STK32B: variants seen among roughly 807,000 people sequenced by gnomAD.
The protein encoded by STK32B is serine/threonine-protein kinase 32B.
In STK32B, 43 loss-of-function variants were observed where a neutral mutation model predicts 52.6. That is an observed-to-expected ratio of 0.82 (90% CI 0.64 to 1.05). The LOEUF (loss-of-function observed/expected upper bound fraction) is 1.05, where lower values mean the gene tolerates loss of function less well. Among genes scored for constraint, STK32B ranks in the 50% least tolerant of loss-of-function variants. The pLI is 0.00. For missense variants in STK32B, 621 were observed against 534.6 expected (o/e 1.16, Z -1.59); for synonymous variants, 238 against 204.3 (o/e 1.17, Z -1.41).
chr4:5,234,280 G>C (rs1336838190), intron 3 of STK32B, among the ~76,000 whole-genome samples: 1 of 152,170 alleles, frequency 6.6e-6, no homozygotes, highest in Non-Finnish European at 1.5e-5. Context: ...TCTGTAAATA[G>C]GTATAATGAA....
intron 3 of STK32B, among the ~76,000 whole-genome samples, chr4:5,243,048 C>T (rs547617989): frequency 2.0e-3 from 300 of 152,272 alleles, no homozygotes; most frequent in African/African-American, 6.9e-3. Context: ...TTAGGATTGA[C>T]TTGGTGATGC....
At chr4:5,221,792 G>A (rs1184296804) in intron 3 of STK32B, among the ~76,000 whole-genome samples, 2 of 148,872 alleles carry the variant, frequency 1.3e-5, no homozygotes, top group Non-Finnish European at 3.0e-5. Context: ...GGAGACAGAG[G>A]TTGCAGTGAG....
At chr4:5,055,546 C>G (rs1360772289) in intron 1 of STK32B, among the ~76,000 whole-genome samples, 1 of 152,192 alleles carries the variant, frequency 6.6e-6, no homozygotes, top group East Asian at 1.9e-4. Context: ...TCAGCCCACC[C>G]TCAAATCCTC....
chr4:5,317,462 A>G lies in STK32B; in HGVS notation c.261-13758A>G, dbSNP rs561452613. On this transcript the variant is annotated intron_variant, in intron 3 of 11. Transcript: ENST00000282908. ...CATATATACATAATATATATAATAT[A>G]TATGTATAATATATATATTACATAT... 2.3e-3 allele frequency among the ~76,000 whole-genome samples: 218 copies of G among 95,966 alleles called. 35 individuals carry two copies. Among genetic ancestry groups the G allele is most frequent in the African/African-American group, 0.016 (206 of 13,102 alleles). 63.0% of individuals were successfully genotyped at this position (95,966 alleles called of 152,430 possible).
chr4:5,030,499 G>A, the STK32B span, among the ~76,000 whole-genome samples: 1 of 152,214 alleles, frequency 6.6e-6, no homozygotes, highest in Non-Finnish European at 1.5e-5. Context: ...GCCTGGAAAC[G>A]AACAATAGCT....
At chr4:5,204,363 G>A (rs1054244069) in intron 3 of STK32B, 5 of 153,184 alleles carry the variant, frequency 3.3e-5, no homozygotes, top group African/African-American at 9.6e-5. Context: ...CAGAACATGT[G>A]AGGGACAGTG....
chr4:5,287,960 G>C (rs1287733996), intron 3 of STK32B, among the ~76,000 whole-genome samples: 3 of 152,066 alleles, frequency 2.0e-5, no homozygotes, highest in Non-Finnish European at 4.4e-5. Flanking sequence ...CTAACCTACT[G>C]TTTGTTTCCA....
At chr4:5,362,146 G>T (rs918103924) in intron 4 of STK32B, among the ~76,000 whole-genome samples, 1 of 152,190 alleles carries the variant, frequency 6.6e-6, no homozygotes, top group Non-Finnish European at 1.5e-5. Flanking sequence ...AAAATTGTAT[G>T]TTGGGAGCGA....
intron 11 of STK32B, among the ~76,000 whole-genome samples, chr4:5,481,806 TAGCCAG>T (rs1278751174): frequency 1.3e-5 from 2 of 152,242 alleles, no homozygotes; most frequent in Admixed American, 6.5e-5. Flanking sequence ...TACATATGGC[TAGCCAG>T]TTTTCCCAGC....
chr4:5,061,131 T>G (rs1181136912), intron 1 of STK32B, among the ~76,000 whole-genome samples: 3 of 152,238 alleles, frequency 2.0e-5, no homozygotes, highest in Non-Finnish European at 2.9e-5. Flanking sequence ...TGCAAAAGCA[T>G]TAGACCTTAT....
chr4:5,324,582 C>A (rs927198887), intron 3 of STK32B, among the ~76,000 whole-genome samples: 1 of 152,120 alleles, frequency 6.6e-6, no homozygotes, highest in Non-Finnish European at 1.5e-5. Flanking sequence ...CCGTCCTGTG[C>A]ATTGTAGGAT....
chr4:5,187,205 T>C (rs1720811309), intron 3 of STK32B, among the ~76,000 whole-genome samples: 1 of 152,094 alleles, frequency 6.6e-6, no homozygotes, highest in African/African-American at 2.4e-5. Context: ...GTGTGTGGGG[T>C]ACTCCGCTTC....
At chr4:5,318,710 C>T (rs28409623) in intron 3 of STK32B, among the ~76,000 whole-genome samples, 36,165 of 152,020 alleles carry the variant, frequency 0.24, 7,066 homozygotes, top group African/African-American at 0.55. Flanking sequence ...ACTCCAAGTC[C>T]CTCAGGATGA....
chr4:5,478,898 C>G (rs927485672), intron 11 of STK32B, among the ~76,000 whole-genome samples: 1 of 151,934 alleles, frequency 6.6e-6, no homozygotes, highest in Non-Finnish European at 1.5e-5. Flanking sequence ...ATCCCTTGCT[C>G]TCTATGATTT....
At chr4:5,063,626 T>G (rs552738007) in intron 1 of STK32B, among the ~76,000 whole-genome samples, 61 of 152,320 alleles carry the variant, frequency 4.0e-4, no homozygotes, top group African/African-American at 1.3e-3. Flanking sequence ...ACTTTCAATG[T>G]GTCATTTCAG....
At chr4:5,426,050 G>A (rs1577479929) in intron 6 of STK32B, among the ~76,000 whole-genome samples, 1 of 152,294 alleles carries the variant, frequency 6.6e-6, no homozygotes, top group East Asian at 1.9e-4. Context: ...TATGAATAAA[G>A]CCATTATGGA....
intron 3 of STK32B, among the ~76,000 whole-genome samples, chr4:5,321,676 T>C (rs112974252): frequency 0.069 from 10,455 of 152,184 alleles, 399 homozygotes; most frequent in South Asian, 0.098. Flanking sequence ...AATAAAACCA[T>C]GAAGGCACAA....
At chr4:5,477,218 G>A (rs911598124) in intron 11 of STK32B, among the ~76,000 whole-genome samples, 1 of 152,094 alleles carries the variant, frequency 6.6e-6, no homozygotes, top group African/African-American at 2.4e-5. Flanking sequence ...TATCAGTGAG[G>A]TGTTCTGAAA....
At chr4:5,233,246 T>G (rs946877916) in intron 3 of STK32B, among the ~76,000 whole-genome samples, 1 of 152,266 alleles carries the variant, frequency 6.6e-6, no homozygotes, top group African/African-American at 2.4e-5. Flanking sequence ...CACTGACTTA[T>G]GCTAAGGCAA....
Sources: allele counts gnomAD v4.1 joint callset (sites outside exome capture counted in the v4.1 genomes callset), GRCh38; gene constraint gnomAD v4.1.1; transcripts MANE v1.5; gene names NCBI Gene and HGNC (gene_info 2026-07-23, HGNC 2026-07-21).